LOC128706666: variants seen among roughly 807,000 people sequenced by gnomAD.
At chr20:10,428,514 T>C in the LOC128706666 span, among the ~76,000 whole-genome samples, 1 of 152,204 alleles carries the variant, frequency 6.6e-6, no homozygotes, top group Non-Finnish European at 1.5e-5. Context: ...TCTAACTTGT[T>C]GTCCCCTTAT....
At chr20:10,421,057 T>C in the LOC128706666 span, among the ~76,000 whole-genome samples, 2 of 152,164 alleles carry the variant, frequency 1.3e-5, no homozygotes, top group Non-Finnish European at 1.5e-5. Context: ...CACACATGCA[T>C]GGAGTGTTCT....
At chr20:10,431,191 C>G in the LOC128706666 span, among the ~76,000 whole-genome samples, 1 of 152,098 alleles carries the variant, frequency 6.6e-6, no homozygotes, top group African/African-American at 2.4e-5. Context: ...GAGGTTCCTG[C>G]TTGATCAAAG....
the LOC128706666 span, among the ~76,000 whole-genome samples, chr20:10,415,791 T>C: frequency 6.6e-6 from 1 of 152,230 alleles, no homozygotes; most frequent in South Asian, 2.1e-4. Flanking sequence ...AAAAACAGAA[T>C]GCCATGTTGG....
chr20:10,424,122 C>T, the LOC128706666 span, among the ~76,000 whole-genome samples: 8 of 152,126 alleles, frequency 5.3e-5, no homozygotes, highest in Admixed American at 4.6e-4. Flanking sequence ...ATTTAATTCA[C>T]ATAAAAACAA....
the LOC128706666 span, among the ~76,000 whole-genome samples, chr20:10,426,627 G>T: frequency 6.6e-6 from 1 of 152,134 alleles, no homozygotes; most frequent in Non-Finnish European, 1.5e-5. Flanking sequence ...TCAACTCCTG[G>T]CCTCAAGTGA....
chr20:10,425,350 T>C, the LOC128706666 span, among the ~76,000 whole-genome samples: 3 of 152,244 alleles, frequency 2.0e-5, no homozygotes, highest in East Asian at 1.9e-4. Context: ...CAATGCTTTA[T>C]TGCAAAATAT....
chr20:10,429,966 C>G, the LOC128706666 span, among the ~76,000 whole-genome samples: 2 of 152,174 alleles, frequency 1.3e-5, no homozygotes, highest in Non-Finnish European at 2.9e-5. Flanking sequence ...AAGTTTGAGA[C>G]CCACTGTTCT....
the LOC128706666 span, among the ~76,000 whole-genome samples, chr20:10,432,727 C>T: frequency 7.9e-6 from 1 of 126,982 alleles, no homozygotes; most frequent in South Asian, 2.7e-4. Context: ...ACCCGGGAGG[C>T]GGAGGTTGCA....
chr20:10,417,799 AC>A, the LOC128706666 span, among the ~76,000 whole-genome samples: 2 of 152,238 alleles, frequency 1.3e-5, no homozygotes, highest in African/African-American at 2.4e-5. Context: ...AATTAAAAAA[AC>A]AAATGAAAGT....
At chr20:10,433,259 G>T in the LOC128706666 span, among the ~76,000 whole-genome samples, 2 of 152,210 alleles carry the variant, frequency 1.3e-5, no homozygotes, top group Non-Finnish European at 2.9e-5. Context: ...CCCGCCTCGG[G>T]CTCCTAAAGT....
At chr20:10,432,714 T>C in the LOC128706666 span, among the ~76,000 whole-genome samples, 9 of 143,296 alleles carry the variant, frequency 6.3e-5, no homozygotes, top group Non-Finnish European at 1.2e-4. Flanking sequence ...GAGAATTGCT[T>C]GAACCCGGGA....
At chr20:10,427,385 C>T in the LOC128706666 span, among the ~76,000 whole-genome samples, 1 of 152,136 alleles carries the variant, frequency 6.6e-6, no homozygotes, top group Non-Finnish European at 1.5e-5. Context: ...AAAACTTCCA[C>T]TGAATGTAAT....
At chr20:10,413,893 C>A in the LOC128706666 span, 2 of 421,814 alleles carry the variant, frequency 4.7e-6, no homozygotes, top group South Asian at 8.8e-5. Flanking sequence ...TTCATCTCTT[C>A]TTTCGATATG....
the LOC128706666 span, among the ~76,000 whole-genome samples, chr20:10,429,503 G>A: frequency 1.6e-3 from 245 of 151,942 alleles, no homozygotes; most frequent in African/African-American, 5.4e-3. Flanking sequence ...TGAACTAACC[G>A]TCCCCACAAA....
At chr20:10,423,018 T>G in the LOC128706666 span, among the ~76,000 whole-genome samples, 1 of 151,956 alleles carries the variant, frequency 6.6e-6, no homozygotes, top group African/African-American at 2.4e-5. Flanking sequence ...GCCCTTCAAG[T>G]CACATTACTT....
the LOC128706666 span, among the ~76,000 whole-genome samples, chr20:10,431,484 G>C: frequency 1.3e-5 from 2 of 151,778 alleles, no homozygotes; most frequent in Non-Finnish European, 2.9e-5. Flanking sequence ...GAAGATAATG[G>C]GACAATCTTA....
the LOC128706666 span, among the ~76,000 whole-genome samples, chr20:10,433,301 G>A: frequency 1.6e-4 from 25 of 152,334 alleles, no homozygotes; most frequent in African/African-American, 6.0e-4. Context: ...ACCAAACCCC[G>A]CCGCCCCAAA....
chr20:10,426,279 G>A, the LOC128706666 span, among the ~76,000 whole-genome samples: 1 of 152,220 alleles, frequency 6.6e-6, no homozygotes, highest in Non-Finnish European at 1.5e-5. Context: ...TAGTGCCCCA[G>A]CTTGGGCAGT....
At chr20:10,421,866 T>C in the LOC128706666 span, among the ~76,000 whole-genome samples, 5 of 151,984 alleles carry the variant, frequency 3.3e-5, no homozygotes, top group African/African-American at 9.7e-5. Flanking sequence ...TTTGGGAACT[T>C]GAATCTGGAC....
Sources: allele counts gnomAD v4.1 joint callset (sites outside exome capture counted in the v4.1 genomes callset), GRCh38; gene constraint gnomAD v4.1.1; transcripts MANE v1.5.